The following GPR89B variants were observed in gnomAD, a reference collection of about 807,000 sequenced individuals.
GPR89B encodes the protein golgi pH regulator B.
A neutral mutation model predicts 52.4 loss-of-function variants in GPR89B; 25 were observed. The ratio of observed to expected loss-of-function variants is 0.48; its 90% CI spans 0.35 to 0.67. The LOEUF is 0.67. Among genes scored for constraint, GPR89B ranks in the 30% least tolerant of loss-of-function variants. GPR89B has a pLI of 0.01. For synonymous variants in GPR89B, 52 were observed against 151.2 expected, an observed-to-expected ratio of 0.34 and a Z score of 4.81; for missense variants, 146 against 450.2, an observed-to-expected ratio of 0.32 and a Z score of 6.11.
chr1:148,019,730 C>T, the GPR89B span, among the ~76,000 whole-genome samples: 2 of 151,988 alleles, frequency 1.3e-5, no homozygotes. Context: ...CAAAAGAACG[C>T]TTTATGTTAA....
intron 7 of GPR89B, among the ~76,000 whole-genome samples, chr1:147,957,010 A>G (rs1456931560): frequency 4.6e-5 from 7 of 151,936 alleles, no homozygotes; most frequent in Non-Finnish European, 1.5e-5. Context: ...AAGTGCTGGG[A>G]TTACAGGCGT....
chr1:147,980,038 A>G (rs1184240805), intron 10 of GPR89B, among the ~76,000 whole-genome samples: 1 of 151,212 alleles, frequency 6.6e-6, no homozygotes, highest in Non-Finnish European at 1.5e-5. Flanking sequence ...GTGAGCTATT[A>G]TCACGCCGCT....
At chr1:148,017,472 T>C in the GPR89B span, among the ~76,000 whole-genome samples, 1 of 149,572 alleles carries the variant, frequency 6.7e-6, no homozygotes, top group African/African-American at 2.5e-5. Context: ...CGGTGGTTCA[T>C]GCCTGTAATC....
chr1:147,972,582 G>A (rs1657549369), intron 10 of GPR89B, among the ~76,000 whole-genome samples: 1 of 151,798 alleles, frequency 6.6e-6, no homozygotes, highest in South Asian at 2.1e-4. Flanking sequence ...TAATGATATT[G>A]AGCATCTTTT....
rs1176400328 is a variant in GPR89B, at chr1:147,980,818, C to CAAA, written c.910-5355_910-5353dup. 4.5e-3 allele frequency among the ~76,000 whole-genome samples: 102 copies of CAAA among 22,548 alleles called. 4 individuals are homozygous for CAAA. The highest frequency in any genetic ancestry group is 0.012 in the East Asian group (8 of 694). 14.8% of individuals were successfully genotyped at this position (22,548 alleles called of 152,430 possible). A position where few individuals can be genotyped will look rare whatever the true frequency, so the allele number is the denominator to read the frequency against. On this transcript the variant is annotated intron_variant, in intron 10 of 13. Coordinates refer to ENST00000314163, the MANE Select transcript of GPR89B (RefSeq NM_016334.5). ...TGGGCGACAGAGCGAGACTCCGTCTCAAAAAAAAAAAAAAAAAAAAAAAAA... is the reference window on the plus strand; with the variant it reads ...TGGGCGACAGAGCGAGACTCCGTCTCAAAAAAAAAAAAAAAAAAAAAAAAAAAA...
intron 5 of GPR89B, among the ~76,000 whole-genome samples, chr1:147,950,527 G>C (rs587685216): frequency 2.0e-5 from 3 of 152,130 alleles, no homozygotes; most frequent in Admixed American, 2.0e-4. Context: ...CTTCCCAGAC[G>C]GGGTGGCGCC....
the GPR89B span, among the ~76,000 whole-genome samples, chr1:148,021,358 C>A: frequency 6.6e-6 from 1 of 151,818 alleles, no homozygotes; most frequent in Non-Finnish European, 1.5e-5. Flanking sequence ...AAAAATTACC[C>A]GGGGGTGGTG....
chr1:148,008,258 A>G, the GPR89B span, among the ~76,000 whole-genome samples: 1 of 152,320 alleles, frequency 6.6e-6, no homozygotes, highest in Admixed American at 6.5e-5. Context: ...CATAAAGCTA[A>G]CCTAAACCAT....
chr1:147,958,335 T>C (rs1656277380), intron 7 of GPR89B, among the ~76,000 whole-genome samples: 1 of 151,876 alleles, frequency 6.6e-6, no homozygotes, highest in Non-Finnish European at 1.5e-5. Flanking sequence ...TCTCACTGTA[T>C]TTCTTTTATT....
chr1:147,969,187 T>C (rs1449353196), intron 9 of GPR89B: 3 of 485,788 alleles, frequency 6.2e-6, no homozygotes, highest in Admixed American at 3.6e-5. Context: ...ATTGGTGGGA[T>C]AGTCAGAAGA....
chr1:147,991,903 T>A (rs1303376301), intron 12 of GPR89B, among the ~76,000 whole-genome samples: 1 of 151,840 alleles, frequency 6.6e-6, no homozygotes, highest in Non-Finnish European at 1.5e-5. Context: ...AAAATTCTCT[T>A]TTTTTGTTGT....
chr1:148,003,918 A>C, the GPR89B span: 4 of 576,424 alleles, frequency 6.9e-6, no homozygotes, highest in South Asian at 6.4e-5. Context: ...CTTCTGCTCA[A>C]CATGACGCTT....
rs1553248011 is a variant in GPR89B at position 147,936,812 on chromosome 1, A to G, written c.102+126A>G. ...AGCTTTTACCAAATAAGTACTATAT[A>G]ACTATTAGATTGGAGAATATAAGTA... On this transcript the variant is annotated intron_variant, in intron 2 of 13. Coordinates refer to ENST00000314163, the MANE Select transcript of GPR89B (RefSeq NM_016334.5). 5 of 771,536 alleles carry G rather than the reference A, an allele frequency of 6.5e-6. No individual in the cohort carries two copies. The Admixed American group carries it at 1.3e-4, about 19-fold the overall frequency. 47.8% of individuals were successfully genotyped at this position (771,536 alleles called of 1,614,324 possible).
At chr1:147,942,467 A>T (rs1286440185) in intron 3 of GPR89B, among the ~76,000 whole-genome samples, 1 of 152,066 alleles carries the variant, frequency 6.6e-6, no homozygotes, top group Non-Finnish European at 1.5e-5. Flanking sequence ...ATTTCTACCT[A>T]AAGAGAAATG....
intron 10 of GPR89B, among the ~76,000 whole-genome samples, chr1:147,970,210 T>C (rs1333508678): frequency 2.0e-5 from 3 of 151,870 alleles, no homozygotes; most frequent in African/African-American, 7.3e-5. Flanking sequence ...AATATCTAAA[T>C]TGAGGCCGGG....
intron 1 of GPR89B, among the ~76,000 whole-genome samples, chr1:147,933,319 TG>T (rs1241551667): frequency 6.6e-6 from 1 of 152,126 alleles, no homozygotes; most frequent in Non-Finnish European, 1.5e-5. Context: ...TGCTACACTC[TG>T]GTTCCTGCCT....
chr1:147,930,959 C>A (rs1392864685), intron 1 of GPR89B, among the ~76,000 whole-genome samples: 2 of 152,146 alleles, frequency 1.3e-5, no homozygotes, highest in African/African-American at 4.8e-5. Flanking sequence ...CAAGAAGCTT[C>A]CCCTAGACTG....
the GPR89B span, among the ~76,000 whole-genome samples, chr1:148,020,457 C>T: frequency 6.6e-6 from 1 of 151,312 alleles, no homozygotes; most frequent in Non-Finnish European, 1.5e-5. Context: ...CAAGGCTGCA[C>T]AGCTCGGGGT....
At chr1:148,020,754 C>A in the GPR89B span, among the ~76,000 whole-genome samples, 17 of 151,998 alleles carry the variant, frequency 1.1e-4, no homozygotes, top group Admixed American at 2.0e-4. Context: ...GTTGCACGAT[C>A]CTGGCTCACT....
Sources: allele counts gnomAD v4.1 joint callset (sites outside exome capture counted in the v4.1 genomes callset), GRCh38; gene constraint gnomAD v4.1.1; transcripts MANE v1.5; gene names NCBI Gene and HGNC (gene_info 2026-07-23, HGNC 2026-07-21).